Variants in PPP6R3 observed in about 807,000 individuals in gnomAD.
The protein encoded by PPP6R3 is protein phosphatase 6 regulatory subunit 3.
A neutral mutation model predicts 110.7 loss-of-function variants in PPP6R3; 38 were observed. That is an observed-to-expected ratio of 0.34 (90% CI 0.26 to 0.45). The LOEUF (loss-of-function observed/expected upper bound fraction) is 0.45. Among genes scored for constraint, PPP6R3 ranks in the 20% least tolerant of loss-of-function variants. The probability of loss-of-function intolerance (pLI) is 1.00; values close to 1 mark genes in which losing one functional copy is unlikely to be tolerated. For synonymous variants in PPP6R3, 369 were observed against 373.5 expected (o/e 0.99, Z 0.14); for missense variants, 870 against 1,062.4 (o/e 0.82, Z 2.52).
intron 8 of PPP6R3, among the ~76,000 whole-genome samples, chr11:68,563,749 A>G (rs2153742843): frequency 6.6e-6 from 1 of 152,344 alleles, no homozygotes. Context: ...GTCACCCAGA[A>G]TTCTTATCCT....
intron 1 of PPP6R3, among the ~76,000 whole-genome samples, chr11:68,468,499 A>C (rs1356160590): frequency 1.3e-5 from 2 of 152,212 alleles, no homozygotes; most frequent in Non-Finnish European, 2.9e-5. Context: ...TGGACTCAGC[A>C]GCTATGAGAT....
chr11:68,488,265 CA>C (rs1348578988), intron 1 of PPP6R3, among the ~76,000 whole-genome samples: 1 of 152,038 alleles, frequency 6.6e-6, no homozygotes, highest in African/African-American at 2.4e-5. Context: ...CTCTATAGCC[CA>C]GGCTGCAGTG....
Position 68,548,179 on chromosome 11 carries a change from C to T in PPP6R3, c.527C>T (p.Pro176Leu). 6.2e-7 allele frequency: 1 copy of T among 1,614,206 alleles called. No individual in the cohort carries two copies. The highest frequency in any genetic ancestry group is 1.3e-5 in the African/African-American group (1 of 75,052). Reference protein sequence around the residue: ...LLRLLTCIEPPQPRQDVLNWL... With the variant: ...LLRLLTCIEPLQPRQDVLNWL... ...AGGCTCCTGACGTGTATCGAACCTC[C>T]ACAGCCCAGGCAAGATGTGCTGAAT... Residue 176 changes from proline to leucine, a missense_variant, in exon 5 of 24, where the codon CCA (proline) becomes CTA (leucine). Coordinates refer to ENST00000393800, the MANE Select transcript of PPP6R3 (RefSeq NM_001164161.2).
intron 3 of PPP6R3, among the ~76,000 whole-genome samples, chr11:68,538,212 G>A (rs1004302990): frequency 2.0e-5 from 3 of 152,220 alleles, no homozygotes; most frequent in African/African-American, 4.8e-5. Flanking sequence ...TGGACATGAT[G>A]TGACTATGCA....
intron 19 of PPP6R3, among the ~76,000 whole-genome samples, chr11:68,596,496 C>T (rs965354279): frequency 1.3e-5 from 2 of 152,202 alleles, no homozygotes; most frequent in African/African-American, 4.8e-5. Context: ...ACTGCTAGGT[C>T]AGTCTTCTGG....
chr11:68,515,650 T>A (rs1592359495), intron 1 of PPP6R3, among the ~76,000 whole-genome samples: 1 of 152,210 alleles, frequency 6.6e-6, no homozygotes, highest in Non-Finnish European at 1.5e-5. Context: ...TGACCCAGAC[T>A]TTCTCAACAT....
At chr11:68,608,669 T>TG (rs1941696205) in intron 22 of PPP6R3, among the ~76,000 whole-genome samples, 1 of 151,852 alleles carries the variant, frequency 6.6e-6, no homozygotes, top group African/African-American at 2.4e-5. Flanking sequence ...CCATGTAGAG[T>TG]GGTAGGTGCA....
At chr11:68,497,647 G>A (rs1025463077) in intron 1 of PPP6R3, among the ~76,000 whole-genome samples, 1 of 152,214 alleles carries the variant, frequency 6.6e-6, no homozygotes, top group East Asian at 1.9e-4. Context: ...GAGCCACTGC[G>A]CCCAACCTTG....
intron 21 of PPP6R3, among the ~76,000 whole-genome samples, chr11:68,602,919 A>G (rs2099636067): frequency 6.6e-6 from 1 of 152,156 alleles, no homozygotes; most frequent in Non-Finnish European, 1.5e-5. Flanking sequence ...GAAACGATCC[A>G]CCAGCAACAC....
In PPP6R3 at chr11:68,460,767, G is replaced by C. The variant is rs544077141; in HGVS notation, c.-218G>C. Reference sequence around the variant, plus strand: ...CCGCCATTTTGGGCGCTTCGCTGATGGTGTCGGTGAGCGCGTTTCCCGCCT... The same window carrying C: ...CCGCCATTTTGGGCGCTTCGCTGATCGTGTCGGTGAGCGCGTTTCCCGCCT... On this transcript the variant is annotated 5_prime_UTR_variant, in exon 1 of 24. An upstream start codon of the reference 5' UTR is lost. Coordinates refer to ENST00000393800, the MANE Select transcript of PPP6R3 (RefSeq NM_001164161.2). 7.9e-5 allele frequency: 12 copies of C among 152,382 alleles called. No homozygotes were observed. The East Asian group carries it at 2.3e-3, about 30-fold the overall frequency. The allele number at this position is 152,382 out of a possible 1,614,324, so 9.4% of individuals were successfully genotyped here.
chr11:68,594,264 G>GA (rs1566081598), intron 18 of PPP6R3, among the ~76,000 whole-genome samples: 9 of 107,418 alleles, frequency 8.4e-5, no homozygotes, highest in African/African-American at 2.5e-4. Flanking sequence ...TTAAAAAAGG[G>GA]GGAGAGAGAG....
Position 68,600,410 on chromosome 11 carries a change from G to T in PPP6R3, c.2108G>T (p.Gly703Val). 1 of 1,614,156 alleles carries T rather than the reference G, an allele frequency of 6.2e-7. No individual in the cohort carries two copies. The highest frequency in any genetic ancestry group is 2.2e-5 in the East Asian group (1 of 44,884). ...CACGGTGCTCCATTGGATTCTGTGG[G>T]ATCTGATGTCTGGAGCACAGAGGAG... ...TTHGAPLDSVGSDVWSTEEPM... is the reference protein window; with the variant it reads ...TTHGAPLDSVVSDVWSTEEPM... Residue 703 changes from glycine to valine, a missense_variant, in exon 20 of 24, where the codon GGA becomes GTA. Physicochemically the swap from Gly to Val is moderately radical, Grantham distance 109. Coordinates refer to ENST00000393800, the MANE Select transcript of PPP6R3 (RefSeq NM_001164161.2).
At chr11:68,566,720 A>C (rs1430723739) in intron 9 of PPP6R3, among the ~76,000 whole-genome samples, 3 of 152,066 alleles carry the variant, frequency 2.0e-5, no homozygotes, top group Non-Finnish European at 4.4e-5. Flanking sequence ...TTTTCCTAGG[A>C]TATTCTGTAG....
Position 68,544,965 on chromosome 11 carries a change from C to T in PPP6R3, c.355C>T (p.Leu119=). The T allele has an allele frequency of 6.2e-7, 1 of 1,609,184 alleles. No individual in the cohort carries two copies. Among genetic ancestry groups the T allele is most frequent in the Non-Finnish European group, 8.5e-7 (1 of 1,175,542 alleles). ...CCTAAACGATTCCCCTTTGAATCCACTACTTGCCAGTTTCTTCAGCAAGGT... is the reference window on the plus strand; with the variant it reads ...CCTAAACGATTCCCCTTTGAATCCATTACTTGCCAGTTTCTTCAGCAAGGT... ...FLLNDSPLNP[L]LASFFSKVLS... Residue 119 remains leucine, a synonymous_variant, in exon 4 of 24, where the codon CTA becomes TTA. Coordinates refer to ENST00000393800, the MANE Select transcript of PPP6R3 (RefSeq NM_001164161.2).
At chr11:68,474,041 AC>A (rs2098810806) in intron 1 of PPP6R3, among the ~76,000 whole-genome samples, 3 of 134,144 alleles carry the variant, frequency 2.2e-5, no homozygotes, top group Admixed American at 1.5e-4. Flanking sequence ...AAAAGCAATT[AC>A]CTTTTTTTTT....
chr11:68,561,867 TC>T (rs917284493), intron 8 of PPP6R3, among the ~76,000 whole-genome samples: 2 of 152,174 alleles, frequency 1.3e-5, no homozygotes, highest in Non-Finnish European at 2.9e-5. Context: ...TAAGTGATCT[TC>T]CCACTTTAGC....
rs967031297 is a variant in PPP6R3 at position 68,569,750 on chromosome 11, C to T, written c.1131C>T (p.Asn377=). The part of the protein sequence containing the change: ...MELNSIGVIL[N]MFFKYTWNNF... ...AACATGGTTTTTCTTTTTTGTAGAA[C>T]ATGTTCTTCAAGTATACATGGAATA... The change falls in exon 11 of 24, where the codon AAC becomes AAT. Residue 377 remains asparagine (N), a splice_region_variant and synonymous_variant. Coordinates refer to ENST00000393800, the MANE Select transcript of PPP6R3 (RefSeq NM_001164161.2). The T allele has an allele frequency of 6.4e-6, 10 of 1,568,100 alleles. No homozygotes were observed. The highest frequency in any genetic ancestry group is 1.7e-4 in the Middle Eastern group (1 of 5,926).
intron 8 of PPP6R3, 31 bp downstream of exon 8, chr11:68,558,710 C>T: frequency 6.7e-7 from 1 of 1,498,828 alleles, no homozygotes; most frequent in South Asian, 1.2e-5. Context: ...ACAAAATGAA[C>T]CATGTTGTTT....
chr11:68,557,370 T>A (rs925204348), intron 7 of PPP6R3, among the ~76,000 whole-genome samples: 1 of 152,182 alleles, frequency 6.6e-6, no homozygotes, highest in Non-Finnish European at 1.5e-5. Flanking sequence ...CTGCCCTACG[T>A]TGGCAAGAGG....
Sources: gnomAD v4.1 joint callset for allele counts (sites outside exome capture counted in the v4.1 genomes callset) on GRCh38, gnomAD v4.1.1 for gene constraint, MANE v1.5 for transcripts, NCBI Gene and HGNC (gene_info 2026-07-23, HGNC 2026-07-21) for gene names.